RB1: variants seen among roughly 807,000 people sequenced by gnomAD.
The protein encoded by RB1 is RB transcriptional corepressor 1, also known as retinoblastoma-associated protein.
A neutral mutation model predicts 135.4 loss-of-function variants in RB1; 18 were observed. That is an observed-to-expected ratio of 0.13 (90% CI 0.09 to 0.20). RB1 has a LOEUF of 0.20. Ranked by LOEUF, RB1 falls within the 10% of genes least tolerant of loss-of-function variation. RB1 has a pLI of 1.00. For missense variants in RB1, 868 were observed against 1,110.0 expected (o/e 0.78, Z 3.10); for synonymous variants, 365 against 373.2 (o/e 0.98, Z 0.25).
At chr13:48,325,971 G>A (rs2138062475) in intron 2 of RB1, among the ~76,000 whole-genome samples, 1 of 152,136 alleles carries the variant, frequency 6.6e-6, no homozygotes, top group African/African-American at 2.4e-5. Context: ...TACCAAAGAG[G>A]CCTATCGTGA....
At chr13:48,317,388 C>T (rs1359157765) in intron 2 of RB1, 2 of 384,376 alleles carry the variant, frequency 5.2e-6, no homozygotes, top group Non-Finnish European at 9.5e-6. Context: ...GCAGCGCGCA[C>T]GGGTTCCGGT....
chr13:48,307,532 C>A, intron 2 of RB1, 126 bp downstream of exon 2: 1 of 1,055,262 alleles, frequency 9.5e-7, no homozygotes, highest in Non-Finnish European at 1.4e-6. Flanking sequence ...AATTCCATTA[C>A]CCAGAGGAAA....
rs1949521032 is a variant in RB1 at position 48,479,044 on chromosome 13, T to C, written c.2714-954T>C. Among the ~76,000 whole-genome samples the C allele has an allele frequency of 3.3e-5, 5 of 151,952 alleles. No homozygotes were observed. The South Asian group carries it at 1.0e-3, about 32-fold the overall frequency. ...GAGTTCAAGACCAGCCTGGGCAACATAGCAAGACCCCATCTTTACAAAAAA... is the reference window on the plus strand; with the variant it reads ...GAGTTCAAGACCAGCCTGGGCAACACAGCAAGACCCCATCTTTACAAAAAA... On this transcript the variant is annotated intron_variant, in intron 26 of 26. Coordinates refer to ENST00000267163, the MANE Select transcript of RB1 (RefSeq NM_000321.3).
At chr13:48,351,779 T>C (rs1423386489) in intron 6 of RB1, among the ~76,000 whole-genome samples, 1 of 151,990 alleles carries the variant, frequency 6.6e-6, no homozygotes, top group African/African-American at 2.4e-5. Context: ...GTTTAAGTGA[T>C]TATCTTGCCT....
intron 6 of RB1, among the ~76,000 whole-genome samples, chr13:48,359,577 TATA>T (rs1295642192): frequency 6.1e-5 from 9 of 147,640 alleles, no homozygotes; most frequent in South Asian, 4.2e-4. Context: ...TTCTAATTAT[TATA>T]ATAAAATATT....
chr13:48,413,537 CTA>C (rs1948855247), intron 17 of RB1, among the ~76,000 whole-genome samples: 1 of 152,116 alleles, frequency 6.6e-6, no homozygotes, highest in Admixed American at 6.5e-5. Flanking sequence ...TGTTTAATGA[CTA>C]TGAAACAGGG....
chr13:48,388,797 C>A (rs768852021), intron 17 of RB1, among the ~76,000 whole-genome samples: 1 of 152,070 alleles, frequency 6.6e-6, no homozygotes, highest in African/African-American at 2.4e-5. Flanking sequence ...AAAAGAGAAG[C>A]CTGTGCCTAC....
At chr13:48,423,072 T>C (rs1199732466) in intron 17 of RB1, among the ~76,000 whole-genome samples, 1 of 152,042 alleles carries the variant, frequency 6.6e-6, no homozygotes, top group Non-Finnish European at 1.5e-5. Context: ...TGAGGCTGCA[T>C]TGAGCTATGA....
At chr13:48,338,454 C>G (rs1388961882) in intron 2 of RB1, among the ~76,000 whole-genome samples, 1 of 152,232 alleles carries the variant, frequency 6.6e-6, no homozygotes, top group Admixed American at 6.5e-5. Flanking sequence ...GATACCCTTT[C>G]TTCCAGTTGA....
intron 2 of RB1, among the ~76,000 whole-genome samples, chr13:48,309,404 G>A (rs1034080918): frequency 1.3e-5 from 2 of 152,140 alleles, no homozygotes; most frequent in African/African-American, 4.8e-5. Flanking sequence ...GTAAAAAGGA[G>A]AAAACAAGTG....
chr13:48,376,382 C>T (rs1952823353), intron 12 of RB1, among the ~76,000 whole-genome samples: 1 of 151,894 alleles, frequency 6.6e-6, no homozygotes. Context: ...TGCCTATAAT[C>T]CCAGCTACTT....
At chr13:48,349,504 C>G (rs1952527581) in intron 6 of RB1, among the ~76,000 whole-genome samples, 1 of 151,564 alleles carries the variant, frequency 6.6e-6, no homozygotes, top group South Asian at 2.1e-4. Flanking sequence ...ATTTGCAAGC[C>G]TCATAGTAAC....
At chr13:48,394,806 G>A (rs937777419) in intron 17 of RB1, among the ~76,000 whole-genome samples, 8 of 152,222 alleles carry the variant, frequency 5.3e-5, no homozygotes, top group Non-Finnish European at 1.0e-4. Flanking sequence ...GGAAGGCGCA[G>A]CTGTGGACAC....
chr13:48,338,111 A>AT (rs907570292), intron 2 of RB1, among the ~76,000 whole-genome samples: 2 of 151,972 alleles, frequency 1.3e-5, no homozygotes, highest in African/African-American at 4.8e-5. Flanking sequence ...CTGCCTTAAC[A>AT]TTTTTTCCTT....
chr13:48,379,519 CA>C (rs11449461), intron 13 of RB1, 74 bp from the exon 14 acceptor site: 998 of 1,207,552 alleles, frequency 8.3e-4, no homozygotes, highest in Admixed American at 1.7e-3. Flanking sequence ...GACTCCATCT[CA>C]AAAAAAAAAA....
chr13:48,438,130 A>G (rs2138298002), intron 17 of RB1, among the ~76,000 whole-genome samples: 1 of 152,260 alleles, frequency 6.6e-6, no homozygotes, highest in East Asian at 1.9e-4. Context: ...TCCTTCAGCG[A>G]GTTTATATTT....
chr13:48,409,236 A>G (rs1948767862), intron 17 of RB1, among the ~76,000 whole-genome samples: 1 of 148,274 alleles, frequency 6.7e-6, no homozygotes, highest in Non-Finnish European at 1.5e-5. Context: ...CTAACTTGGA[A>G]CTCCTGGGCT....
At chr13:48,418,709 CAAA>C (rs1217781825) in intron 17 of RB1, among the ~76,000 whole-genome samples, 6 of 109,926 alleles carry the variant, frequency 5.5e-5, no homozygotes, top group Admixed American at 1.9e-4. Context: ...AAATGGAAAG[CAAA>C]AAAAAAAAAA....
At position 48,471,583 on chromosome 13, in the gene RB1, A is replaced by AAAAAAG. The variant is rs1566239304; in HGVS notation, c.2490-1773_2490-1772insAGAAAA. 1.2e-3 allele frequency among the ~76,000 whole-genome samples: 177 copies of AAAAAAG among 150,494 alleles called. 5 individuals carry two copies. In the South Asian group the frequency reaches 0.036, roughly 30 times the overall value. On this transcript the variant is annotated intron_variant, in intron 23 of 26. Transcript: ENST00000267163. ...AATAAAAAATATAAATAAAAAAAAA[A>AAAAAAG]AAAAGAAAATCTATTTACTTGGATG...
Sources: gnomAD v4.1 joint callset for allele counts (sites outside exome capture counted in the v4.1 genomes callset) on GRCh38, gnomAD v4.1.1 for gene constraint, MANE v1.5 for transcripts, NCBI Gene and HGNC (gene_info 2026-07-23, HGNC 2026-07-21) for gene names.